Variants in PLEKHM2 observed in about 807,000 individuals in gnomAD.
The protein encoded by PLEKHM2 is pleckstrin homology domain-containing family M member 2.
PLEKHM2 carries 77 observed loss-of-function variants against 116.3 expected under a neutral mutation model. The ratio of observed to expected loss-of-function variants is 0.66; its 90% CI spans 0.55 to 0.80. PLEKHM2 has a LOEUF of 0.80. PLEKHM2 is among the 30% of genes least tolerant of loss of function. PLEKHM2 has a pLI of 0.00. For missense variants in PLEKHM2, 1,183 were observed against 1,354.9 expected (o/e 0.87, Z 1.99); for synonymous variants, 562 against 571.0 (o/e 0.98, Z 0.22).
At chr1:15,733,044 G>A (rs1470071216) in intron 19 of PLEKHM2, among the ~76,000 whole-genome samples, 1 of 152,268 alleles carries the variant, frequency 6.6e-6, no homozygotes, top group Admixed American at 6.5e-5. Flanking sequence ...CCTGGGAGGT[G>A]GGTGTGGGAC....
chr1:15,719,865 C>T lies in PLEKHM2; in HGVS notation c.597C>T (p.Ser199=), dbSNP rs371194454. The T allele has an allele frequency of 2.1e-5, 34 of 1,613,758 alleles. No individual in the cohort carries two copies. Among genetic ancestry groups the T allele is most frequent in the African/African-American group, 5.3e-5 (4 of 75,038 alleles). The stretch of plus-strand genomic sequence containing the variant: ...GTCTGTCCCTCAACTCTTTCAACTC[C>T]GTCACCTCCACCAACCTGGAGTGGG... ...SDSLSLNSFN[S]VTSTNLEWDD... Residue 199 remains serine, a synonymous_variant, in exon 6 of 20, where the codon TCC becomes TCT. Coordinates refer to ENST00000375799, the MANE Select transcript of PLEKHM2 (RefSeq NM_015164.4). This position sits in a 1 kb window ranked among gnomAD's most constrained non-coding sequence, Gnocchi z 4.1.
chr1:15,725,664 C>T (rs1439201624), intron 8 of PLEKHM2, 119 bp downstream of exon 8: 2 of 689,750 alleles, frequency 2.9e-6, no homozygotes, highest in African/African-American at 1.8e-5. Flanking sequence ...TGCATGCCTT[C>T]CTGGAAACCC....
intron 1 of PLEKHM2, among the ~76,000 whole-genome samples, chr1:15,694,327 C>T (rs555734849): frequency 1.3e-5 from 2 of 151,580 alleles, no homozygotes; most frequent in African/African-American, 2.4e-5. Flanking sequence ...CTAGCCTGAG[C>T]GACAGAGCGA....
At chr1:15,723,203 C>T (rs1215321842) in intron 7 of PLEKHM2, 12 of 152,204 alleles carry the variant, frequency 7.9e-5, no homozygotes, top group Non-Finnish European at 1.6e-4. Flanking sequence ...GCCCACTCAC[C>T]TCTCAGGGCT....
At chr1:15,684,697 G>GGGGCCCCTGCTGCCGCAGGGACTC in intron 1 of PLEKHM2, 79 bp downstream of exon 1, 1 of 795,234 alleles carries the variant, frequency 1.3e-6, no homozygotes, top group Non-Finnish European at 1.7e-6. Context: ...CTCCCGGGCC[G>GGGGCCCCTGCTGCCGCAGGGACTC]GGGCCCCCCG....
At chr1:15,688,312 G>A (rs1016797925) in intron 1 of PLEKHM2, among the ~76,000 whole-genome samples, 3 of 152,192 alleles carry the variant, frequency 2.0e-5, no homozygotes, top group Non-Finnish European at 4.4e-5. Flanking sequence ...ATTCCTGAGG[G>A]TGAGAGAGAA....
chr1:15,727,052 G>A lies in PLEKHM2; in HGVS notation c.980G>A (p.Ser327Asn), dbSNP rs777402211. 4.0e-6 allele frequency: 6 copies of A among 1,490,252 alleles called. No individual in the cohort carries two copies. Among genetic ancestry groups the A allele is most frequent in the African/African-American group, 2.8e-5 (2 of 70,892 alleles). 92.3% of individuals were successfully genotyped at this position (1,490,252 alleles called of 1,614,324 possible). A position where few individuals can be genotyped will look rare whatever the true frequency, so the allele number is the denominator to read the frequency against. ...AAGAAAATTGGCAAGAAGAAAAAGA[G>A]CAGATCAGATGAGGAGGCAAGTCCA... ...KKKKIGKKKK[S>N]RSDEEASPLH... The change falls in exon 9 of 20, where the codon AGC becomes AAC. Residue 327 changes from serine to asparagine, a missense_variant. Physicochemically the swap from Ser to Asn is conservative, Grantham distance 46 (BLOSUM62 1). Around this residue, in one of 3 missense-constraint regions of PLEKHM2, gnomAD observed 372 missense variants for 357.2 expected, o/e 1.04. Transcript: ENST00000375799. The surrounding 1 kb of genome is among the most constrained non-coding windows in gnomAD (Gnocchi z 7.5).
At chr1:15,693,043 T>C (rs1640919565) in intron 1 of PLEKHM2, among the ~76,000 whole-genome samples, 1 of 126,154 alleles carries the variant, frequency 7.9e-6, no homozygotes, top group Non-Finnish European at 1.6e-5. Flanking sequence ...CTAGCCACAC[T>C]TTTTTTTTTT....
intron 1 of PLEKHM2, among the ~76,000 whole-genome samples, chr1:15,713,670 C>CTGT (rs1557651571): frequency 6.6e-6 from 1 of 151,602 alleles, no homozygotes; most frequent in Non-Finnish European, 1.5e-5. Context: ...GAGTCTTGCT[C>CTGT]TGTTGCCCAG....
chr1:15,724,682 G>A (rs1311232963), intron 7 of PLEKHM2, among the ~76,000 whole-genome samples: 1 of 152,068 alleles, frequency 6.6e-6, no homozygotes, highest in Non-Finnish European at 1.5e-5. Context: ...CTGTGCTCTG[G>A]GCATTTCCCT....
At chr1:15,730,489 C>G (rs376688760) in intron 14 of PLEKHM2, 43 bp from the exon 15 acceptor site, 16 of 1,467,784 alleles carry the variant, frequency 1.1e-5, no homozygotes, top group South Asian at 2.7e-5. Flanking sequence ...CTGCCTGGCC[C>G]AGGCCTTACT....
rs1015195575 is a variant in PLEKHM2, at chr1:15,729,489, C to T, written c.2075+299C>T. Among the ~76,000 whole-genome samples the T allele has an allele frequency of 2.0e-4, 31 of 152,202 alleles. No homozygotes were observed. Among genetic ancestry groups the T allele is most frequent in the African/African-American group, 7.5e-4 (31 of 41,452 alleles). On this transcript the variant is annotated intron_variant, in intron 13 of 19. Coordinates refer to ENST00000375799, the MANE Select transcript of PLEKHM2 (RefSeq NM_015164.4). The surrounding 1 kb of genome is among the most constrained non-coding windows in gnomAD (Gnocchi z 4.7). The stretch of plus-strand genomic sequence containing the variant: ...CTGCTGGGCCAGGCGTGCCCTTGAA[C>T]GCCTGCATCCTTGTCGTGGCTCAAG...
chr1:15,708,652 G>C (rs1641272460), intron 1 of PLEKHM2, among the ~76,000 whole-genome samples: 1 of 152,062 alleles, frequency 6.6e-6, no homozygotes, highest in African/African-American at 2.4e-5. Flanking sequence ...CAAACTCCTG[G>C]CCTCTAATGA....
intron 7 of PLEKHM2, among the ~76,000 whole-genome samples, chr1:15,724,903 G>A (rs557656696): frequency 7.9e-5 from 12 of 152,218 alleles, no homozygotes; most frequent in East Asian, 1.9e-4. Context: ...CCCCTGTAGC[G>A]TCCTGGCAGG....
rs372951152 is a variant in PLEKHM2, at chr1:15,728,383, C to A, written c.1921+26C>A. 2.9e-5 allele frequency: 46 copies of A among 1,592,682 alleles called. No individual in the cohort carries two copies. Among genetic ancestry groups the A allele is most frequent in the Non-Finnish European group, 3.5e-5 (41 of 1,164,108 alleles). On this transcript the variant is annotated intron_variant, in intron 11 of 19. Coordinates refer to ENST00000375799, the MANE Select transcript of PLEKHM2 (RefSeq NM_015164.4). This position sits in a 1 kb window ranked among gnomAD's most constrained non-coding sequence, Gnocchi z 5.9. ...GTGCCCGCCGCCCCCGGGCAGACAG[C>A]GGGTTGTAGACGAGGCTGACTCTCA... is the stretch of plus-strand genomic sequence containing the variant.
At chr1:15,705,115 C>T (rs1268069346) in intron 1 of PLEKHM2, among the ~76,000 whole-genome samples, 2 of 151,944 alleles carry the variant, frequency 1.3e-5, no homozygotes, top group Admixed American at 6.6e-5. Flanking sequence ...CCCCCCTGCC[C>T]CTGAACCTCA....
intron 2 of PLEKHM2, 46 bp from the exon 3 acceptor site, chr1:15,716,661 G>C (rs1641452556): frequency 1.9e-6 from 3 of 1,547,056 alleles, no homozygotes; most frequent in African/African-American, 2.7e-5. Context: ...CAGCTTCCCA[G>C]GGTGGCCCCA....
At chr1:15,715,363 C>T (rs1253207987) in intron 1 of PLEKHM2, among the ~76,000 whole-genome samples, 6 of 151,788 alleles carry the variant, frequency 4.0e-5, no homozygotes, top group East Asian at 2.0e-4. Context: ...ACAAACAGGC[C>T]GGGCACAGTG....
chr1:15,689,786 C>T (rs991768645), intron 1 of PLEKHM2, among the ~76,000 whole-genome samples: 4 of 152,190 alleles, frequency 2.6e-5, no homozygotes, highest in Admixed American at 6.5e-5. Context: ...GACGGAATTT[C>T]GCTCTTGTTG....
Sources: gnomAD v4.1 joint callset for allele counts (sites outside exome capture counted in the v4.1 genomes callset) on GRCh38, gnomAD v4.1.1 for gene constraint, gnomAD v4.1.1 regional missense constraint, Gnocchi (gnomAD v3.1) non-coding constraint, MANE v1.5 for transcripts, NCBI Gene and HGNC (gene_info 2026-07-23, HGNC 2026-07-21) for gene names.